Variants in AGMO observed in about 807,000 individuals in gnomAD.
AGMO encodes the protein alkylglycerol monooxygenase.
AGMO carries 75 observed loss-of-function variants against 60.2 expected under a neutral mutation model. The observed-to-expected ratio is 1.25, with a 90% CI of 1.03 to 1.51. The LOEUF (loss-of-function observed/expected upper bound fraction) is 1.51, where lower values mean the gene tolerates loss of function less well. AGMO is among the 40% of genes most tolerant of loss of function. The pLI, the probability that AGMO is intolerant of heterozygous loss-of-function variation, is 0.00. For synonymous variants in AGMO, 261 were observed against 177.1 expected, an observed-to-expected ratio of 1.47 and a Z score of -3.76; for missense variants, 763 against 525.5, an observed-to-expected ratio of 1.45 and a Z score of -4.42.
intron 3 of AGMO, among the ~76,000 whole-genome samples, chr7:15,501,808 G>C (rs62440668): frequency 6.6e-6 from 1 of 151,854 alleles, no homozygotes; most frequent in African/African-American, 2.4e-5. Context: ...CTGTCAAGAT[G>C]TAACAATCCA....
intron 12 of AGMO, among the ~76,000 whole-genome samples, chr7:15,330,063 TTTTTTC>T (rs199913519): frequency 0.41 from 61,709 of 151,518 alleles, 13,340 homozygotes; most frequent in Admixed American, 0.5. Flanking sequence ...AATTATTTTC[TTTTTTC>T]TTTCTATCTC....
At chr7:15,498,349 C>T (rs1348802453) in intron 3 of AGMO, among the ~76,000 whole-genome samples, 1 of 151,926 alleles carries the variant, frequency 6.6e-6, no homozygotes, top group Admixed American at 6.6e-5. Context: ...TCAAGTCTAA[C>T]TATTTTTTGC....
chr7:15,141,821 G>A, the AGMO span, among the ~76,000 whole-genome samples: 4 of 152,044 alleles, frequency 2.6e-5, no homozygotes, highest in Non-Finnish European at 5.9e-5. Flanking sequence ...TTAAACTTAT[G>A]TTTTTGTCAA....
downstream of AGMO, among the ~76,000 whole-genome samples, chr7:15,195,613 C>A (rs973782937): frequency 1.3e-5 from 2 of 152,246 alleles, no homozygotes; most frequent in African/African-American, 2.4e-5. Context: ...TTTGAACATG[C>A]CTAGTCCCCA....
chr7:15,437,005 A>C (rs1376916127), intron 3 of AGMO, among the ~76,000 whole-genome samples: 1 of 152,146 alleles, frequency 6.6e-6, no homozygotes, highest in African/African-American at 2.4e-5. Flanking sequence ...ATATAAATGA[A>C]TCCTTTAAAT....
chr7:15,278,912 T>G (rs886618421), intron 12 of AGMO, among the ~76,000 whole-genome samples: 8 of 152,094 alleles, frequency 5.3e-5, no homozygotes, highest in Non-Finnish European at 4.4e-5. Flanking sequence ...TGGACCCCAT[T>G]TAGCAGTGGG....
chr7:15,141,514 A>C, the AGMO span, among the ~76,000 whole-genome samples: 4 of 152,074 alleles, frequency 2.6e-5, no homozygotes, highest in Non-Finnish European at 5.9e-5. Flanking sequence ...TGAACCCGGG[A>C]GGCAGCGGTT....
intron 3 of AGMO, among the ~76,000 whole-genome samples, chr7:15,539,263 A>G (rs2115269259): frequency 6.6e-6 from 1 of 152,118 alleles, no homozygotes; most frequent in Middle Eastern, 3.4e-3. Context: ...ATAGCACCTG[A>G]TAGGTATTTT....
At chr7:15,129,663 G>A in the AGMO span, among the ~76,000 whole-genome samples, 1 of 152,204 alleles carries the variant, frequency 6.6e-6, no homozygotes, top group East Asian at 1.9e-4. Flanking sequence ...CCAGGATGAA[G>A]TATTTTCCCT....
intron 5 of AGMO, among the ~76,000 whole-genome samples, chr7:15,394,435 A>T (rs1489213286): frequency 6.6e-6 from 1 of 152,178 alleles, no homozygotes; most frequent in Non-Finnish European, 1.5e-5. Flanking sequence ...GTTCAGCTCC[A>T]GGAATCTCCA....
intron 6 of AGMO, 119 bp from the exon 7 acceptor site, chr7:15,391,024 C>G (rs995359253): frequency 1.6e-6 from 1 of 607,046 alleles, no homozygotes; most frequent in Non-Finnish European, 2.8e-6. Flanking sequence ...GTACAATTTC[C>G]CTGGGAATGT....
chr7:15,486,035 G>T (rs755657661), intron 3 of AGMO, among the ~76,000 whole-genome samples: 1 of 152,136 alleles, frequency 6.6e-6, no homozygotes, highest in Non-Finnish European at 1.5e-5. Flanking sequence ...GCTTCAGAAC[G>T]ATTAGAATAG....
At chr7:15,305,677 G>A (rs759812883) in intron 12 of AGMO, among the ~76,000 whole-genome samples, 16 of 151,846 alleles carry the variant, frequency 1.1e-4, no homozygotes, top group Non-Finnish European at 2.2e-4. Context: ...AGAAGATCTG[G>A]ATTTTACTGT....
At chr7:15,343,883 A>G (rs78414689) in intron 12 of AGMO, among the ~76,000 whole-genome samples, 1 of 152,216 alleles carries the variant, frequency 6.6e-6, no homozygotes, top group Non-Finnish European at 1.5e-5. Context: ...AAGCAAGCAT[A>G]GTTTAAAAGT....
rs560608332 is a variant in AGMO at position 15,218,436 on chromosome 7, C to A, written c.1264-17077G>T. Among the ~76,000 whole-genome samples the A allele has an allele frequency of 4.0e-5, 6 of 149,528 alleles. No homozygotes were observed. In the South Asian group the frequency reaches 1.3e-3, roughly 32 times the overall value. ...TTTAATGATGACTCTTTCAACAGTT[C>A]TTTCAGTTCTTTTAGTGGTTAGTTC... On this transcript the variant is annotated intron_variant, in intron 12 of 12. Coordinates refer to ENST00000342526, the MANE Select transcript of AGMO (RefSeq NM_001004320.2).
intron 12 of AGMO, among the ~76,000 whole-genome samples, chr7:15,318,140 G>A (rs189785296): frequency 3.8e-4 from 58 of 151,732 alleles, no homozygotes; most frequent in Non-Finnish European, 6.0e-4. Context: ...CAAGTAGCTG[G>A]AATTACAGGC....
intron 3 of AGMO, among the ~76,000 whole-genome samples, chr7:15,516,293 A>G (rs1360820956): frequency 6.6e-6 from 1 of 152,176 alleles, no homozygotes; most frequent in East Asian, 1.9e-4. Context: ...AAATCCCCCA[A>G]TTATAGATGA....
At chr7:15,242,143 T>A (rs1668643120) in intron 12 of AGMO, among the ~76,000 whole-genome samples, 1 of 152,204 alleles carries the variant, frequency 6.6e-6, no homozygotes. Context: ...AATCAATTTA[T>A]CAGTAGCCTT....
At chr7:15,369,465 T>C (rs958884292) in intron 10 of AGMO, among the ~76,000 whole-genome samples, 1 of 152,126 alleles carries the variant, frequency 6.6e-6, no homozygotes, top group African/African-American at 2.4e-5. Context: ...TTCCTGGACA[T>C]GACAAACATT....
Sources: allele counts gnomAD v4.1 joint callset (sites outside exome capture counted in the v4.1 genomes callset), GRCh38; gene constraint gnomAD v4.1.1; transcripts MANE v1.5; gene names NCBI Gene and HGNC (gene_info 2026-07-23, HGNC 2026-07-21).